ACTR3C: variants seen among roughly 807,000 people sequenced by gnomAD.
ACTR3C encodes the protein actin related protein 3C.
A neutral mutation model predicts 26.3 loss-of-function variants in ACTR3C; 18 were observed. The ratio of observed to expected loss-of-function variants is 0.68; its 90% confidence interval spans 0.47 to 1.01. The LOEUF (loss-of-function observed/expected upper bound fraction) is 1.01. Among genes scored for constraint, ACTR3C ranks in the 50% least tolerant of loss-of-function variants. ACTR3C has a pLI of 0.00. For synonymous variants in ACTR3C, 55 were observed against 94.5 expected (o/e 0.58, Z 2.42); for missense variants, 184 against 250.7 (o/e 0.73, Z 1.80).
chr7:150,153,567 G>C, the ACTR3C span, among the ~76,000 whole-genome samples: 1 of 130,434 alleles, frequency 7.7e-6, no homozygotes, highest in Non-Finnish European at 1.6e-5. Flanking sequence ...AAAAAGTCAG[G>C]AAACAACAGG....
chr7:150,153,786 T>C, the ACTR3C span, among the ~76,000 whole-genome samples: 99 of 106,012 alleles, frequency 9.3e-4, no homozygotes, highest in Middle Eastern at 7.8e-3. Flanking sequence ...ATGTTTATTG[T>C]GGCACTATTC....
At chr7:150,041,181 C>A in the ACTR3C span, among the ~76,000 whole-genome samples, 6 of 150,394 alleles carry the variant, frequency 4.0e-5, 1 homozygote, top group Non-Finnish European at 8.8e-5. Context: ...TTGTTGGGAT[C>A]CCCATTTCAA....
chr7:150,072,794 C>T, the ACTR3C span, among the ~76,000 whole-genome samples: 2 of 152,052 alleles, frequency 1.3e-5, no homozygotes, highest in Non-Finnish European at 2.9e-5. Context: ...ATGATAGGTG[C>T]AGACAGATTT....
chr7:149,992,606 C>T, the ACTR3C span, among the ~76,000 whole-genome samples: 13,624 of 152,160 alleles, frequency 0.09, 770 homozygotes, highest in Non-Finnish European at 0.13. Flanking sequence ...CGCATCTCCA[C>T]GTGGAGGAGA....
At chr7:150,112,144 A>C in the ACTR3C span, among the ~76,000 whole-genome samples, 1 of 150,546 alleles carries the variant, frequency 6.6e-6, no homozygotes, top group Non-Finnish European at 1.5e-5. Flanking sequence ...ATCGACCAGG[A>C]AGCACCGCTT....
intron 6 of ACTR3C, among the ~76,000 whole-genome samples, chr7:150,280,842 A>AC (rs1464562922): frequency 6.6e-6 from 1 of 151,682 alleles, no homozygotes; most frequent in Non-Finnish European, 1.5e-5. Flanking sequence ...ACACACACAC[A>AC]ATTTTTACTT....
chr7:149,906,412 CTTTTTTTTTTTTTTTTTTTTT>C, the ACTR3C span, among the ~76,000 whole-genome samples: 104 of 72,104 alleles, frequency 1.4e-3, no homozygotes, highest in African/African-American at 3.8e-3. Context: ...GGGTTTGTTT[CTTTTTTTTTTTTTTTTTTTTT>C]TTTTTTTTTT....
At chr7:149,967,195 C>T in the ACTR3C span, among the ~76,000 whole-genome samples, 153 of 151,922 alleles carry the variant, frequency 1.0e-3, no homozygotes, top group African/African-American at 3.4e-3. Context: ...CCACCACGCC[C>T]GGCTAATTTT....
chr7:150,098,467 G>T, the ACTR3C span, among the ~76,000 whole-genome samples: 2 of 151,864 alleles, frequency 1.3e-5, 1 homozygote, highest in African/African-American at 4.9e-5. Context: ...CGCATGACAT[G>T]AAGAGACTGA....
At chr7:150,152,659 G>A in the ACTR3C span, among the ~76,000 whole-genome samples, 1 of 152,194 alleles carries the variant, frequency 6.6e-6, no homozygotes, top group East Asian at 1.9e-4. Context: ...CTCATAAGAC[G>A]AGTTAGGGAG....
the ACTR3C span, among the ~76,000 whole-genome samples, chr7:150,171,985 G>A: frequency 6.6e-6 from 1 of 150,520 alleles, no homozygotes; most frequent in East Asian, 1.9e-4. Flanking sequence ...CTAATTTTTT[G>A]TATTTTAGTA....
At chr7:150,110,895 C>T in the ACTR3C span, among the ~76,000 whole-genome samples, 1 of 146,110 alleles carries the variant, frequency 6.8e-6, no homozygotes, top group African/African-American at 2.6e-5. Flanking sequence ...CTGGCCACTG[C>T]GAGGCTGGCA....
intron 1 of ACTR3C, among the ~76,000 whole-genome samples, chr7:150,321,650 G>T (rs1275092304): frequency 6.6e-6 from 1 of 152,188 alleles, no homozygotes; most frequent in Admixed American, 6.5e-5. Flanking sequence ...TGAGGCAGGA[G>T]AATCGCTTGA....
chr7:150,143,044 C>T, the ACTR3C span, among the ~76,000 whole-genome samples: 2 of 152,088 alleles, frequency 1.3e-5, no homozygotes, highest in African/African-American at 4.8e-5. Flanking sequence ...GTTGGCCAGG[C>T]TGGTCTCGAA....
intron 1 of ACTR3C, among the ~76,000 whole-genome samples, chr7:150,306,709 G>C (rs1795833840): frequency 6.6e-6 from 1 of 152,196 alleles, no homozygotes; most frequent in African/African-American, 2.4e-5. Context: ...ACCTCGCCAA[G>C]GTGAACACCT....
chr7:149,991,160 G>A, the ACTR3C span, among the ~76,000 whole-genome samples: 8 of 152,160 alleles, frequency 5.3e-5, no homozygotes, highest in Admixed American at 1.3e-4. Flanking sequence ...AAGTGCAGGG[G>A]AACTCCCCTT....
At chr7:150,319,503 G>A (rs1266306243) in intron 1 of ACTR3C, among the ~76,000 whole-genome samples, 1 of 152,158 alleles carries the variant, frequency 6.6e-6, no homozygotes, top group African/African-American at 2.4e-5. Flanking sequence ...CACCTCGCCT[G>A]GCCCAGAACA....
the ACTR3C span, among the ~76,000 whole-genome samples, chr7:149,906,412 CTTTTTTT>C: frequency 1.4e-4 from 10 of 72,100 alleles, no homozygotes; most frequent in African/African-American, 3.9e-4. Flanking sequence ...GGGTTTGTTT[CTTTTTTT>C]TTTTTTTTTT....
the ACTR3C span, among the ~76,000 whole-genome samples, chr7:149,984,488 G>A: frequency 6.6e-6 from 1 of 151,420 alleles, no homozygotes; most frequent in South Asian, 2.1e-4. Flanking sequence ...AAAGGTGTGA[G>A]CCACCATGCC....
Sources: gnomAD v4.1 joint callset for allele counts (sites outside exome capture counted in the v4.1 genomes callset) on GRCh38, gnomAD v4.1.1 for gene constraint, MANE v1.5 for transcripts, NCBI Gene and HGNC (gene_info 2026-07-23, HGNC 2026-07-21) for gene names.